Variants in H1-5 observed in about 807,000 individuals in gnomAD.
H1-5 encodes histone H1.5.
Under a neutral mutation model 4.6 loss-of-function variants are expected in H1-5, and 3 were observed. That is an observed-to-expected ratio of 0.65 (90% CI 0.30 to 1.68). H1-5 has a LOEUF of 1.68. Among genes scored for constraint, H1-5 ranks in the 40% most tolerant of loss-of-function variants. H1-5 has a pLI of 0.10. For synonymous variants in H1-5, 250 were observed against 123.4 expected (o/e 2.03, Z -6.80); for missense variants, 521 against 287.9 (o/e 1.81, Z -5.86).
At position 27,867,160 on chromosome 6, in the gene H1-5, T is replaced by A; in HGVS notation, c.370A>T (p.Lys124Ter). The change falls in exon 1 of 1, where the codon AAG (lysine) becomes TAG (stop). Residue 124 changes from lysine (K) to a stop codon, truncating the protein, a stop_gained. Transcript: ENST00000331442. LOFTEE classifies it low-confidence loss of function (END_TRUNC). ...AASGEAKPKA[K>*]KAGAAKAKKP... ...TTAGCTTTAGCGGCGCCTGCCTTCT[T>A]GGCTTTGGGCTTGGCTTCCCCGGAG... 6.2e-7 allele frequency: 1 copy of A among 1,614,166 alleles called. No homozygotes were observed. The highest frequency in any genetic ancestry group is 1.1e-5 in the South Asian group (1 of 91,076).
chr6:27,866,872 T>G lies in H1-5; in HGVS notation c.658A>C (p.Lys220Gln). 2 of 1,599,070 alleles carry G rather than the reference T, an allele frequency of 1.3e-6. No homozygotes were observed. The highest frequency in any genetic ancestry group is 1.4e-5 in the African/African-American group (1 of 73,646). The change falls in exon 1 of 1, where the codon AAG (lysine) becomes CAG (glutamine). Residue 220 changes from lysine (K) to glutamine (Q), a missense_variant. Transcript: ENST00000331442. ...AAKPKAAKAK[K>Q]AAAKKK ...TCCTACTTCTTTTTGGCAGCCGCCT[T>G]CTTGGCCTTTGCAGCTTTAGGTTTT...
In H1-5 at chr6:27,867,043, C is replaced by G; in HGVS notation, c.487G>C (p.Ala163Pro). Reference protein sequence around the residue: ...KKTPKKAKKPAAAGVKKVAKS... With the variant: ...KKTPKKAKKPPAAGVKKVAKS... Reference sequence around the variant, plus strand: ...GCCACCTTTTTGACGCCAGCCGCCGCGGGCTTCTTCGCCTTCTTCGGAGTC... The same window carrying G: ...GCCACCTTTTTGACGCCAGCCGCCGGGGGCTTCTTCGCCTTCTTCGGAGTC... The change falls in exon 1 of 1, where the codon GCG becomes CCG. Residue 163 changes from alanine (A) to proline (P), a missense_variant. Physicochemically the swap from Ala to Pro is conservative, Grantham distance 27. Transcript: ENST00000331442. 1.9e-6 allele frequency: 3 copies of G among 1,613,900 alleles called. No homozygotes were observed. The highest frequency in any genetic ancestry group is 2.5e-6 in the Non-Finnish European group (3 of 1,179,996).
Position 27,867,185 on chromosome 6 carries a change from G to C in H1-5, c.345C>G (p.Ala115=), listed in dbSNP as rs1299388563. The C allele has an allele frequency of 6.2e-7, 1 of 1,614,178 alleles. No homozygotes were observed. The highest frequency in any genetic ancestry group is 2.2e-5 in the East Asian group (1 of 44,880). ...SGSFKLNKKA[A]SGEAKPKAKK... ...TGGCTTTGGGCTTGGCTTCCCCGGA[G>C]GCCGCCTTCTTGTTGAGTTTAAAGG... The change falls in exon 1 of 1, where the codon GCC becomes GCG. Residue 115 remains alanine, a synonymous_variant. Coordinates refer to ENST00000331442, the MANE Select transcript of H1-5 (RefSeq NM_005322.3).
At position 27,867,450 on chromosome 6, in the gene H1-5, T is replaced by C. The variant is rs750639964; in HGVS notation, c.80A>G (p.Lys27Arg). Reference protein sequence around the residue: ...KSPAKKKATKKAAGAGAAKRK... With the variant: ...KSPAKKKATKRAAGAGAAKRK... ...CTTAGCAGCGCCGGCGCCGGCAGCC[T>C]TCTTAGTTGCCTTCTTCTTAGCCGG... is the stretch of plus-strand genomic sequence containing the variant. The change falls in exon 1 of 1, where the codon AAG becomes AGG. Residue 27 changes from lysine (K) to arginine (R), a missense_variant. Coordinates refer to ENST00000331442, the MANE Select transcript of H1-5 (RefSeq NM_005322.3). The C allele has an allele frequency of 1.1e-5, 17 of 1,606,884 alleles. No homozygotes were observed. Among genetic ancestry groups the C allele is most frequent in the Non-Finnish European group, 1.4e-5 (17 of 1,176,952 alleles).
Position 27,866,995 on chromosome 6 carries a change from C to A in H1-5, c.535G>T (p.Ala179Ser). 1 of 1,614,236 alleles carries A rather than the reference C, an allele frequency of 6.2e-7. No individual in the cohort carries two copies. Among genetic ancestry groups the A allele is most frequent in the Non-Finnish European group, 8.5e-7 (1 of 1,180,050 alleles). Reference sequence around the variant, plus strand: ...GTTGCCTTTTTCGGTTTGGCAGCGGCCTTGGCCTTCTTAGGGCTCTTCGCC... The same window carrying A: ...GTTGCCTTTTTCGGTTTGGCAGCGGACTTGGCCTTCTTAGGGCTCTTCGCC... The part of the protein sequence containing the change: ...KVAKSPKKAK[A>S]AAKPKKATKS... Residue 179 changes from alanine to serine, a missense_variant, in exon 1 of 1, where the codon GCC (alanine) becomes TCC (serine). Physicochemically the swap from Ala to Ser is moderately conservative, Grantham distance 99. Coordinates refer to ENST00000331442, the MANE Select transcript of H1-5 (RefSeq NM_005322.3).
In H1-5 at chr6:27,867,360, C is replaced by G; in HGVS notation, c.170G>C (p.Arg57Pro). Residue 57 changes from arginine to proline, a missense_variant, in exon 1 of 1, where the codon CGC (arginine) becomes CCC (proline). Arg to Pro is a moderately radical substitution (Grantham distance 103, BLOSUM62 -2). Transcript: ENST00000331442. ...AAGGGCTGCCAAAGAAAGGCCATTG[C>G]GCTCCTTAGAAGCAGCCACAGCCTT... ...ITKAVAASKERNGLSLAALKK... is the reference protein window; with the variant it reads ...ITKAVAASKEPNGLSLAALKK... 1 of 1,614,266 alleles carries G rather than the reference C, an allele frequency of 6.2e-7. No individual in the cohort carries two copies.
At position 27,866,932 on chromosome 6, in the gene H1-5, C is replaced by T. The variant is rs774879356; in HGVS notation, c.598G>A (p.Ala200Thr). ...GGCTTAGCGGCTTTGGGCTTTGCCG[C>T]CTTCGGCTTAACTGCCTTGGGCTTG... ...PAKPKAVKPK[A>T]AKPKAAKPKA... Residue 200 changes from alanine to threonine, a missense_variant, in exon 1 of 1, where the codon GCG becomes ACG. Coordinates refer to ENST00000331442, the MANE Select transcript of H1-5 (RefSeq NM_005322.3). The T allele has an allele frequency of 2.5e-6, 4 of 1,614,142 alleles. No individual in the cohort carries two copies. The South Asian group carries it at 3.3e-5, about 13-fold the overall frequency.
Position 27,867,396 on chromosome 6 carries a change from T to C in H1-5, c.134A>G (p.Glu45Gly). Residue 45 changes from glutamate to glycine, a missense_variant, in exon 1 of 1, where the codon GAG becomes GGG. Coordinates refer to ENST00000331442, the MANE Select transcript of H1-5 (RefSeq NM_005322.3). Reference protein sequence around the residue: ...KRKATGPPVSELITKAVAASK... With the variant: ...KRKATGPPVSGLITKAVAASK... ...AGCAGCCACAGCCTTGGTGATCAGC[T>C]CTGAGACTGGGGGCCCCGTCGCTTT... 2 of 1,614,166 alleles carry C rather than the reference T, an allele frequency of 1.2e-6. No individual in the cohort carries two copies. Among genetic ancestry groups the C allele is most frequent in the Non-Finnish European group, 1.7e-6 (2 of 1,179,996 alleles).
In H1-5 at chr6:27,867,234, G is replaced by A; in HGVS notation, c.296C>T (p.Thr99Ile). 2.5e-6 allele frequency: 4 copies of A among 1,614,226 alleles called. No homozygotes were observed. Among genetic ancestry groups the A allele is most frequent in the Non-Finnish European group, 2.5e-6 (3 of 1,180,030 alleles). ...SLVSKGTLVQ[T>I]KGTGASGSFK... Reference sequence around the variant, plus strand: ...GGAGCCAGAAGCACCAGTGCCCTTGGTCTGCACCAGGGTGCCCTTGCTCAC... The same window carrying A: ...GGAGCCAGAAGCACCAGTGCCCTTGATCTGCACCAGGGTGCCCTTGCTCAC... The change falls in exon 1 of 1, where the codon ACC becomes ATC. Residue 99 changes from threonine (T) to isoleucine (I), a missense_variant. Transcript: ENST00000331442.
Position 27,866,959 on chromosome 6 carries a change from C to A in H1-5, c.571G>T (p.Ala191Ser). 6.2e-7 allele frequency: 1 copy of A among 1,614,218 alleles called. No individual in the cohort carries two copies. The highest frequency in any genetic ancestry group is 8.5e-7 in the Non-Finnish European group (1 of 1,180,038). The change falls in exon 1 of 1, where the codon GCC (alanine) becomes TCC (serine). Residue 191 changes from alanine (A) to serine (S), a missense_variant. Ala to Ser is a moderately conservative substitution (Grantham distance 99, BLOSUM62 1). Transcript: ENST00000331442. ...AKPKKATKSP[A>S]KPKAVKPKAA... ...TTCGGCTTAACTGCCTTGGGCTTGGCAGGACTCTTGGTTGCCTTTTTCGGT... is the reference window on the plus strand; with the variant it reads ...TTCGGCTTAACTGCCTTGGGCTTGGAAGGACTCTTGGTTGCCTTTTTCGGT...
Position 27,866,953 on chromosome 6 carries a change from G to C in H1-5, c.577C>G (p.Pro193Ala). ...PKKATKSPAK[P>A]KAVKPKAAKP... ...GCCGCCTTCGGCTTAACTGCCTTGG[G>C]CTTGGCAGGACTCTTGGTTGCCTTT... Residue 193 changes from proline to alanine, a missense_variant, in exon 1 of 1, where the codon CCC (proline) becomes GCC (alanine). By Grantham distance (27) the Pro-to-Ala change is conservative. Transcript: ENST00000331442. 6.2e-7 allele frequency: 1 copy of C among 1,614,202 alleles called. No homozygotes were observed. The highest frequency in any genetic ancestry group is 8.5e-7 in the Non-Finnish European group (1 of 1,180,046).
rs114406891 is a variant in H1-5 at position 27,867,053 on chromosome 6, C to T, written c.477G>A (p.Ala159=). 1.9e-6 allele frequency: 3 copies of T among 1,613,670 alleles called. No homozygotes were observed. Among genetic ancestry groups the T allele is most frequent in the East Asian group, 2.2e-5 (1 of 44,868 alleles). The change falls in exon 1 of 1, where the codon GCG becomes GCA. Residue 159 remains alanine (A), a synonymous_variant. Coordinates refer to ENST00000331442, the MANE Select transcript of H1-5 (RefSeq NM_005322.3). ...TGACGCCAGCCGCCGCGGGCTTCTT[C>T]GCCTTCTTCGGAGTCTTCTTCACTG... The part of the protein sequence containing the change: ...KKAVKKTPKK[A]KKPAAAGVKK...
chr6:27,867,502 C>A lies in H1-5; in HGVS notation c.28G>T (p.Ala10Ser). ...GATTTCTCCACCGGCGCTGGGGTGG[C>A]TGTCTCGGCAGGAGCGGTTTCCGAC... MSETAPAET[A>S]TPAPVEKSPA... The change falls in exon 1 of 1, where the codon GCC becomes TCC. Residue 10 changes from alanine (A) to serine (S), a missense_variant. Ala to Ser is a moderately conservative substitution (Grantham distance 99, BLOSUM62 1). Transcript: ENST00000331442. The A allele has an allele frequency of 6.4e-7, 1 of 1,564,128 alleles. No homozygotes were observed.
At position 27,867,395 on chromosome 6, in the gene H1-5, C is replaced by T; in HGVS notation, c.135G>A (p.Glu45=). Residue 45 remains glutamate, a synonymous_variant, in exon 1 of 1, where the codon GAG becomes GAA. Transcript: ENST00000331442. The part of the protein sequence containing the change: ...KRKATGPPVS[E]LITKAVAASK... ...AAGCAGCCACAGCCTTGGTGATCAG[C>T]TCTGAGACTGGGGGCCCCGTCGCTT... The T allele has an allele frequency of 6.2e-7, 1 of 1,614,196 alleles. No individual in the cohort carries two copies. Among genetic ancestry groups the T allele is most frequent in the Non-Finnish European group, 8.5e-7 (1 of 1,180,004 alleles).
At position 27,867,122 on chromosome 6, in the gene H1-5, C is replaced by T; in HGVS notation, c.408G>A (p.Gly136=). ...CCTTCTTGGCCTTCTTAGGCGTGGCCCCCGCGGGCTTCTTAGCTTTAGCGG... is the reference window on the plus strand; with the variant it reads ...CCTTCTTGGCCTTCTTAGGCGTGGCTCCCGCGGGCTTCTTAGCTTTAGCGG... ...AGAAKAKKPA[G]ATPKKAKKAA... Residue 136 remains glycine, a synonymous_variant, in exon 1 of 1, where the codon GGG becomes GGA. Transcript: ENST00000331442. The T allele has an allele frequency of 1.2e-6, 2 of 1,614,008 alleles. No individual in the cohort carries two copies. The highest frequency in any genetic ancestry group is 1.7e-6 in the Non-Finnish European group (2 of 1,179,944).
chr6:27,867,150 C>T lies in H1-5; in HGVS notation c.380G>A (p.Gly127Asp). Reference sequence around the variant, plus strand: ...CGCGGGCTTCTTAGCTTTAGCGGCGCCTGCCTTCTTGGCTTTGGGCTTGGC... The same window carrying T: ...CGCGGGCTTCTTAGCTTTAGCGGCGTCTGCCTTCTTGGCTTTGGGCTTGGC... ...GEAKPKAKKA[G>D]AAKAKKPAGA... Residue 127 changes from glycine to aspartate, a missense_variant, in exon 1 of 1, where the codon GGC (glycine) becomes GAC (aspartate). Physicochemically the swap from Gly to Asp is moderately conservative, Grantham distance 94 (BLOSUM62 -1). Transcript: ENST00000331442. 1 of 1,614,134 alleles carries T rather than the reference C, an allele frequency of 6.2e-7. No individual in the cohort carries two copies. The highest frequency in any genetic ancestry group is 8.5e-7 in the Non-Finnish European group (1 of 1,180,030).
Position 27,867,436 on chromosome 6 carries a change from C to A in H1-5, c.94G>T (p.Gly32Cys). The A allele has an allele frequency of 6.2e-7, 1 of 1,609,738 alleles. No individual in the cohort carries two copies. Residue 32 changes from glycine (G) to cysteine (C), a missense_variant, in exon 1 of 1, where the codon GGC becomes TGC. Transcript: ENST00000331442. Reference sequence around the variant, plus strand: ...CCCGTCGCTTTGCGCTTAGCAGCGCCGGCGCCGGCAGCCTTCTTAGTTGCC... The same window carrying A: ...CCCGTCGCTTTGCGCTTAGCAGCGCAGGCGCCGGCAGCCTTCTTAGTTGCC... ...KKATKKAAGA[G>C]AAKRKATGPP...
rs1415441547 is a variant in H1-5, at chr6:27,866,794, G to A, written c.*55C>T. On this transcript the variant is annotated 3_prime_UTR_variant, in exon 1 of 1. Coordinates refer to ENST00000331442, the MANE Select transcript of H1-5 (RefSeq NM_005322.3). ...CACAGCCATTTTTTAGAGGTCTCTGGGTGGCTCTGAAAAGAGCCTTTGGGG... is the reference window on the plus strand; with the variant it reads ...CACAGCCATTTTTTAGAGGTCTCTGAGTGGCTCTGAAAAGAGCCTTTGGGG... 3 of 1,408,826 alleles carry A rather than the reference G, an allele frequency of 2.1e-6. No homozygotes were observed. Among genetic ancestry groups the A allele is most frequent in the Non-Finnish European group, 2.9e-6 (3 of 1,045,316 alleles). 87.3% of individuals were successfully genotyped at this position (1,408,826 alleles called of 1,614,324 possible).
chr6:27,867,580 T>C lies in H1-5; in HGVS notation c.-51A>G, dbSNP rs186924577. On this transcript the variant is annotated 5_prime_UTR_variant, in exon 1 of 1. Transcript: ENST00000331442. ...ATAAGCTCGAAATCTAAAGAGCAGG[T>C]TTTGCGTTGCTGCTATGCTCGGGCC... The C allele has an allele frequency of 6.7e-7, 1 of 1,488,858 alleles. No homozygotes were observed. The highest frequency in any genetic ancestry group is 1.4e-5 in the African/African-American group (1 of 71,178). The allele number at this position is 1,488,858 out of a possible 1,614,324, so 92.2% of individuals were successfully genotyped here.
Sources: gnomAD v4.1 joint callset for allele counts on GRCh38, gnomAD v4.1.1 for gene constraint, MANE v1.5 for transcripts, NCBI Gene and HGNC (gene_info 2026-07-23, HGNC 2026-07-21) for gene names.